Variants in AFF3 observed in about 807,000 individuals in gnomAD.
The protein encoded by AFF3 is AF4/FMR2 family member 3.
AFF3 carries 32 observed loss-of-function variants against 129.7 expected under a neutral mutation model. That is an observed-to-expected ratio of 0.25 (90% CI 0.19 to 0.33). The LOEUF is 0.33. Among genes scored for constraint, AFF3 ranks in the 10% least tolerant of loss-of-function variants. The pLI, the probability that AFF3 is intolerant of heterozygous loss-of-function variation, is 1.00. For synonymous variants in AFF3, 644 were observed against 635.4 expected (o/e 1.01, Z -0.20); for missense variants, 1,373 against 1,592.0 (o/e 0.86, Z 2.34).
intron 7 of AFF3, among the ~76,000 whole-genome samples, chr2:99,945,164 C>T (rs559348510): frequency 1.3e-5 from 2 of 152,280 alleles, no homozygotes; most frequent in East Asian, 3.9e-4. Flanking sequence ...ACACAGGAAC[C>T]GGCAATCAAT....
chr2:99,902,326 G>A (rs1694402687), intron 7 of AFF3, among the ~76,000 whole-genome samples: 1 of 151,912 alleles, frequency 6.6e-6, no homozygotes. Context: ...GACAAACTAA[G>A]CATTTGTTTA....
intron 8 of AFF3, among the ~76,000 whole-genome samples, chr2:99,808,729 C>A (rs561232946): frequency 6.6e-6 from 1 of 152,194 alleles, no homozygotes; most frequent in East Asian, 1.9e-4. Flanking sequence ...TGCCTGGCAA[C>A]AAGATATAAA....
intron 8 of AFF3, among the ~76,000 whole-genome samples, chr2:99,834,157 A>C (rs2105774386): frequency 6.6e-6 from 1 of 152,280 alleles, no homozygotes; most frequent in East Asian, 1.9e-4. Context: ...GAATTGCCTG[A>C]CTGGTTTCGT....
intron 7 of AFF3, among the ~76,000 whole-genome samples, chr2:99,904,856 G>A (rs1238570407): frequency 6.6e-6 from 1 of 152,008 alleles, no homozygotes; most frequent in Non-Finnish European, 1.5e-5. Flanking sequence ...GGCCCCTTAG[G>A]TCTAGAGTTC....
intron 13 of AFF3, among the ~76,000 whole-genome samples, chr2:99,627,210 CT>C (rs1480571683): frequency 6.6e-6 from 1 of 152,054 alleles, no homozygotes; most frequent in African/African-American, 2.4e-5. Flanking sequence ...TATAACGTTC[CT>C]TTTTCTCCAC....
At chr2:99,606,226 C>T (rs1680315384) in intron 13 of AFF3, among the ~76,000 whole-genome samples, 1 of 152,194 alleles carries the variant, frequency 6.6e-6, no homozygotes, top group Non-Finnish European at 1.5e-5. Flanking sequence ...GATTGTGCCA[C>T]TGCACCCCAG....
At chr2:100,093,818 A>G (rs1174612662) in intron 4 of AFF3, among the ~76,000 whole-genome samples, 1 of 152,226 alleles carries the variant, frequency 6.6e-6, no homozygotes, top group Non-Finnish European at 1.5e-5. Flanking sequence ...GTGCTCAGGC[A>G]GAACGGACTT....
At chr2:99,568,826 C>A (rs750281278) in intron 19 of AFF3, 26 bp downstream of exon 19, 3 of 1,609,014 alleles carry the variant, frequency 1.9e-6, no homozygotes, top group African/African-American at 2.7e-5. Context: ...TTTGGAAGAA[C>A]GTATCTGGAA....
intron 7 of AFF3, among the ~76,000 whole-genome samples, chr2:99,944,120 T>C (rs1013857017): frequency 2.0e-5 from 3 of 152,064 alleles, no homozygotes; most frequent in Admixed American, 6.5e-5. Flanking sequence ...AGGCTGGTCT[T>C]GAACCCCTGG....
intron 7 of AFF3, among the ~76,000 whole-genome samples, chr2:99,963,498 A>G (rs1354214191): frequency 6.6e-6 from 1 of 152,120 alleles, no homozygotes; most frequent in Non-Finnish European, 1.5e-5. Flanking sequence ...AGGTTTCTAC[A>G]TTCTACACGA....
At position 99,665,676 on chromosome 2, in the gene AFF3, A is replaced by G. The variant is rs1271020624; in HGVS notation, c.1143+6862T>C. 3.9e-5 allele frequency among the ~76,000 whole-genome samples: 6 copies of G among 152,254 alleles called. No individual in the cohort carries two copies. The East Asian group carries it at 1.2e-3, about 29-fold the overall frequency. On this transcript the variant is annotated intron_variant, in intron 12 of 24. Coordinates refer to ENST00000672756, the MANE Select transcript of AFF3 (RefSeq NM_001386135.1). ...ATAACTTTAGAAATTGTCAGTATAT[A>G]AAAATTGAAGGTCATAGGAATGGGT... is the stretch of plus-strand genomic sequence containing the variant.
intron 13 of AFF3, among the ~76,000 whole-genome samples, chr2:99,606,329 T>G (rs1305320202): frequency 6.6e-6 from 1 of 152,286 alleles, no homozygotes; most frequent in Non-Finnish European, 1.5e-5. Flanking sequence ...CATGATGACA[T>G]AGGCTTGGAC....
intron 4 of AFF3, among the ~76,000 whole-genome samples, chr2:100,014,954 ATT>A (rs562822524): frequency 9.0e-5 from 11 of 121,650 alleles, no homozygotes; most frequent in East Asian, 4.7e-4. Flanking sequence ...CAGCCAGCTA[ATT>A]TTTTTTTTTT....
intron 8 of AFF3, among the ~76,000 whole-genome samples, chr2:99,763,200 C>A (rs1477330318): frequency 6.6e-6 from 1 of 152,244 alleles, no homozygotes; most frequent in Non-Finnish European, 1.5e-5. Flanking sequence ...AAAGACCCAA[C>A]ATCCCCCTTT....
chr2:99,552,090 A>C (rs545850040), intron 24 of AFF3, among the ~76,000 whole-genome samples: 2 of 152,210 alleles, frequency 1.3e-5, no homozygotes, highest in African/African-American at 4.8e-5. Context: ...CCTTTCACCA[A>C]ATGTTTATGA....
chr2:100,088,133 CACT>C (rs56830319), intron 4 of AFF3, among the ~76,000 whole-genome samples: 19,936 of 142,616 alleles, frequency 0.14, 1,606 homozygotes, highest in East Asian at 0.26. Flanking sequence ...CTACTCACTC[CACT>C]ACTATTTAAC....
chr2:100,057,787 A>G (rs1686922803), intron 4 of AFF3, among the ~76,000 whole-genome samples: 1 of 152,226 alleles, frequency 6.6e-6, no homozygotes, highest in Non-Finnish European at 1.5e-5. Context: ...TTCTCTGGCA[A>G]AGAAGCAACC....
At chr2:99,582,679 A>C in intron 17 of AFF3, 119 bp downstream of exon 17, 1 of 1,079,522 alleles carries the variant, frequency 9.3e-7, no homozygotes, top group Non-Finnish European at 1.4e-6. Flanking sequence ...AGCGGGAGGC[A>C]TTCAGGAATT....
chr2:99,827,853 C>G (rs901856435), intron 8 of AFF3, among the ~76,000 whole-genome samples: 1 of 151,960 alleles, frequency 6.6e-6, no homozygotes, highest in Admixed American at 6.6e-5. Context: ...GTACCCCCAG[C>G]GCCGAGAACA....
Sources: allele counts gnomAD v4.1 joint callset (sites outside exome capture counted in the v4.1 genomes callset), GRCh38; gene constraint gnomAD v4.1.1; transcripts MANE v1.5; gene names NCBI Gene and HGNC (gene_info 2026-07-23, HGNC 2026-07-21).